The following AGPS variants were observed in gnomAD, a reference collection of about 807,000 sequenced individuals.
AGPS encodes alkylglycerone phosphate synthase, also known as alkyldihydroxyacetonephosphate synthase, peroxisomal.
A neutral mutation model predicts 90.7 loss-of-function variants in AGPS; 26 were observed. That is an observed-to-expected ratio of 0.29 (90% CI 0.21 to 0.40). AGPS has a LOEUF of 0.40. Ranked by LOEUF, AGPS falls within the 10% of genes least tolerant of loss-of-function variation. The pLI, the probability that AGPS is intolerant of heterozygous loss-of-function variation, is 1.00. For missense variants in AGPS, 540 were observed against 816.1 expected (o/e 0.66, Z 4.12); for synonymous variants, 294 against 285.3 (o/e 1.03, Z -0.31).
At chr2:177,409,160 T>A (rs1024362487) in intron 1 of AGPS, among the ~76,000 whole-genome samples, 6 of 151,828 alleles carry the variant, frequency 4.0e-5, no homozygotes, top group African/African-American at 1.5e-4. Context: ...AAGGGGCTAC[T>A]GCTGATTTTT....
chr2:177,537,657 G>T lies in AGPS; in HGVS notation c.1856-417G>T, dbSNP rs546204186. Among the ~76,000 whole-genome samples the T allele has an allele frequency of 2.1e-3, 325 of 152,036 alleles. 2 individuals are homozygous for T. Among genetic ancestry groups the T allele is most frequent in the African/African-American group, 7.4e-3 (308 of 41,508 alleles). On this transcript the variant is annotated intron_variant, in intron 19 of 19. Coordinates refer to ENST00000264167, the MANE Select transcript of AGPS (RefSeq NM_003659.4). ...TAAGGATATATATCCTGTCATTTTTGCTGAATTTACCCAACAAATTCGTCT... is the reference window on the plus strand; with the variant it reads ...TAAGGATATATATCCTGTCATTTTTTCTGAATTTACCCAACAAATTCGTCT...
intron 16 of AGPS, among the ~76,000 whole-genome samples, chr2:177,509,037 A>G (rs188613898): frequency 4.1e-4 from 62 of 152,284 alleles, no homozygotes; most frequent in Admixed American, 7.2e-4. Context: ...AGTGTATAGG[A>G]CGGAACAATT....
chr2:177,501,753 T>G (rs1435483385), intron 14 of AGPS, among the ~76,000 whole-genome samples: 1 of 152,014 alleles, frequency 6.6e-6, no homozygotes, highest in African/African-American at 2.4e-5. Flanking sequence ...CTGCAACCTC[T>G]CCCGCCCAGG....
At chr2:177,481,964 G>T (rs1687958241) in intron 10 of AGPS, 95 bp from the exon 11 acceptor site, 1 of 1,188,196 alleles carries the variant, frequency 8.4e-7, no homozygotes, top group Non-Finnish European at 1.2e-6. Flanking sequence ...ATTTAAATGT[G>T]CATAATAAAT....
intron 11 of AGPS, among the ~76,000 whole-genome samples, chr2:177,484,767 G>T (rs1416903342): frequency 6.6e-6 from 1 of 151,772 alleles, no homozygotes; most frequent in Non-Finnish European, 1.5e-5. Context: ...TGCCAAATTA[G>T]ATTTTTCCTT....
intron 16 of AGPS, among the ~76,000 whole-genome samples, 155 bp from the exon 17 acceptor site, chr2:177,513,664 T>C (rs1453101635): frequency 1.3e-5 from 2 of 152,160 alleles, no homozygotes; most frequent in Admixed American, 6.5e-5. Context: ...TCAATTTGAG[T>C]GATCAGGGCT....
chr2:177,435,713 T>G (rs2105628736), intron 3 of AGPS, among the ~76,000 whole-genome samples: 1 of 152,312 alleles, frequency 6.6e-6, no homozygotes, highest in East Asian at 1.9e-4. Flanking sequence ...ATTTGTTCTT[T>G]GCATATTCTT....
Position 177,434,344 on chromosome 2 carries a change from TG to T in AGPS, c.371del (p.Gly124ValfsTer15). ...LTGKRYPLSGMGLPTFKEWIQ... is the reference protein window; with the variant it reads ...LTGKRYPLSGXGLPTFKEWIQ... ...TACCTTAGGTACCCTCTTAGTGGCA[TG>T]GGTTTACCAACATTTAAAGAATGGA... On this transcript the variant is annotated frameshift_variant, in exon 3 of 20. Transcript: ENST00000264167. LOFTEE classifies it high-confidence loss of function. The T allele has an allele frequency of 6.2e-7, 1 of 1,612,184 alleles. No homozygotes were observed.
intron 11 of AGPS, among the ~76,000 whole-genome samples, chr2:177,484,332 C>CAA: frequency 6.6e-6 from 1 of 151,866 alleles, no homozygotes; most frequent in East Asian, 1.9e-4. Flanking sequence ...ATTCCCCCCA[C>CAA]AAAAAGTGTG....
chr2:177,504,849 C>G (rs921514438), intron 14 of AGPS, among the ~76,000 whole-genome samples: 6 of 151,930 alleles, frequency 3.9e-5, no homozygotes, highest in African/African-American at 1.4e-4. Flanking sequence ...ATAAGAATAA[C>G]TTTTACAAAC....
At chr2:177,457,669 C>T (rs968172070) in intron 8 of AGPS, among the ~76,000 whole-genome samples, 2 of 152,066 alleles carry the variant, frequency 1.3e-5, no homozygotes, top group Admixed American at 1.3e-4. Context: ...AATAAGAAGT[C>T]CTGAAATTGA....
At chr2:177,460,698 G>A (rs1479441959) in intron 8 of AGPS, among the ~76,000 whole-genome samples, 1 of 152,072 alleles carries the variant, frequency 6.6e-6, no homozygotes, top group East Asian at 1.9e-4. Context: ...GTTTGGAGAT[G>A]GAGTTAGGGA....
Position 177,483,669 on chromosome 2 carries a change from C to A in AGPS, c.1233+1483C>A, listed in dbSNP as rs899363104. Among the ~76,000 whole-genome samples, 3 of 152,028 alleles carry A rather than the reference C, an allele frequency of 2.0e-5. No homozygotes were observed. In the South Asian group the frequency reaches 6.2e-4, roughly 32 times the overall value. ...CTAATTCACTAGAACTTTGGGAATA[C>A]GATATTATGGTTAGGGAGCTAGAGT... is the stretch of plus-strand genomic sequence containing the variant. On this transcript the variant is annotated intron_variant, in intron 11 of 19. Transcript: ENST00000264167.
At chr2:177,515,649 T>G (rs1363946600) in intron 17 of AGPS, among the ~76,000 whole-genome samples, 1 of 152,216 alleles carries the variant, frequency 6.6e-6, no homozygotes. Context: ...AATGTATTCA[T>G]GAGGCCTAAG....
chr2:177,451,217 A>G (rs1462065891), intron 8 of AGPS, among the ~76,000 whole-genome samples: 1 of 151,928 alleles, frequency 6.6e-6, no homozygotes, highest in African/African-American at 2.4e-5. Context: ...TGGCCTCCCA[A>G]AGTGTTGGGA....
chr2:177,463,755 T>C (rs1687367219), intron 9 of AGPS, among the ~76,000 whole-genome samples: 1 of 152,186 alleles, frequency 6.6e-6, no homozygotes, highest in African/African-American at 2.4e-5. Context: ...CCTTTTGCTA[T>C]TGGATTATTA....
At position 177,497,755 on chromosome 2, in the gene AGPS, A is replaced by G; in HGVS notation, c.1352A>G (p.Tyr451Cys). 6.6e-7 allele frequency: 1 copy of G among 1,518,980 alleles called. No homozygotes were observed. The highest frequency in any genetic ancestry group is 1.2e-5 in the South Asian group (1 of 86,628). The allele number at this position is 1,518,980 out of a possible 1,614,324, so 94.1% of individuals were successfully genotyped here. Residue 451 changes from tyrosine (Y) to cysteine (C), a missense_variant, in exon 13 of 20, where the codon TAT becomes TGT. Physicochemically the swap from Tyr to Cys is radical, Grantham distance 194. Coordinates refer to ENST00000264167, the MANE Select transcript of AGPS (RefSeq NM_003659.4). ...TSFLDGLKKFYITKFKGFDPN... is the reference protein window; with the variant it reads ...TSFLDGLKKFCITKFKGFDPN... The stretch of plus-strand genomic sequence containing the variant: ...TTTTTGGACGGATTAAAAAAGTTTT[A>G]TATTACAAAGGTAAGAATTTTTATA...
chr2:177,504,929 A>G lies in AGPS; in HGVS notation c.1476-577A>G, dbSNP rs138687957. On this transcript the variant is annotated intron_variant, in intron 14 of 19. Transcript: ENST00000264167. The stretch of plus-strand genomic sequence containing the variant: ...AACTAGATCATCAAATACAATTTCT[A>G]TGGATGAAATTTTCCAATTGAAAGA... Among the ~76,000 whole-genome samples, 247 of 152,224 alleles carry G rather than the reference A, an allele frequency of 1.6e-3. 1 individual carries two copies. Among genetic ancestry groups the G allele is most frequent in the Middle Eastern group, 0.01 (3 of 294 alleles).
At chr2:177,397,737 G>T (rs1289772737) in intron 1 of AGPS, among the ~76,000 whole-genome samples, 1 of 152,112 alleles carries the variant, frequency 6.6e-6, no homozygotes, top group Non-Finnish European at 1.5e-5. Context: ...ATAAAAAGCA[G>T]TATATTAACG....
Sources: allele counts gnomAD v4.1 joint callset (sites outside exome capture counted in the v4.1 genomes callset), GRCh38; gene constraint gnomAD v4.1.1; transcripts MANE v1.5; gene names NCBI Gene and HGNC (gene_info 2026-07-23, HGNC 2026-07-21).